Variants in CACNA2D1 observed in about 807,000 individuals in gnomAD.
The protein encoded by CACNA2D1 is calcium voltage-gated channel auxiliary subunit alpha2delta 1.
In CACNA2D1, 53 loss-of-function variants were observed where a neutral mutation model predicts 171.5. The observed-to-expected ratio is 0.31, with a 90% confidence interval of 0.25 to 0.39. The LOEUF is 0.39. CACNA2D1 is among the 10% of genes least tolerant of loss of function. CACNA2D1 has a pLI of 1.00. For missense variants in CACNA2D1, 903 were observed against 1,299.8 expected (o/e 0.69, Z 4.69); for synonymous variants, 442 against 443.1 (o/e 1.00, Z 0.03).
chr7:82,407,750 T>C (rs528169225), intron 1 of CACNA2D1, among the ~76,000 whole-genome samples: 1 of 152,270 alleles, frequency 6.6e-6, no homozygotes, highest in East Asian at 1.9e-4. Context: ...TGCAACTCTA[T>C]TCCTGGGGAC....
intron 3 of CACNA2D1, among the ~76,000 whole-genome samples, chr7:82,279,591 T>C (rs1420807989): frequency 1.3e-5 from 2 of 152,188 alleles, no homozygotes; most frequent in Non-Finnish European, 2.9e-5. Flanking sequence ...TGAAGATAAA[T>C]CTGTATAGGA....
At chr7:82,010,007 G>A (rs1228104287) in intron 15 of CACNA2D1, among the ~76,000 whole-genome samples, 1 of 151,770 alleles carries the variant, frequency 6.6e-6, no homozygotes, top group East Asian at 1.9e-4. Context: ...TATACTCAGT[G>A]CTTCCCCAAC....
In CACNA2D1 at chr7:82,111,113, A is replaced by T. The variant is rs182872594; in HGVS notation, c.526+5931T>A. On this transcript the variant is annotated intron_variant, in intron 6 of 38. Transcript: ENST00000356860. ...ACATTTAATATTTTTCATTCCTATG[A>T]TATATATTTTAACATACATATATAT... is the stretch of plus-strand genomic sequence containing the variant. Among the ~76,000 whole-genome samples, 121 of 151,738 alleles carry T rather than the reference A, an allele frequency of 8.0e-4. 2 individuals carry two copies. Among genetic ancestry groups the T allele is most frequent in the East Asian group, 1.9e-4 (1 of 5,164 alleles).
At chr7:82,037,289 G>C (rs1803397275) in intron 11 of CACNA2D1, among the ~76,000 whole-genome samples, 1 of 152,102 alleles carries the variant, frequency 6.6e-6, no homozygotes, top group South Asian at 2.1e-4. Flanking sequence ...CACCAGCTTG[G>C]CCAACATGGT....
rs1207440298 is a variant in CACNA2D1, at chr7:82,111,444, A to ATAT, written c.526+5599_526+5600insATA. On this transcript the variant is annotated intron_variant, in intron 6 of 38. Coordinates refer to ENST00000356860, the MANE Select transcript of CACNA2D1 (RefSeq NM_000722.4). ...TATATGTGTGTATATATATATATAT[A>ATAT]TTTTTTTTTTTTTTTTTTTTTGAGA... is the stretch of plus-strand genomic sequence containing the variant. 1.8e-3 allele frequency among the ~76,000 whole-genome samples: 127 copies of ATAT among 69,946 alleles called. 3 individuals are homozygous for ATAT. Among genetic ancestry groups the ATAT allele is most frequent in the African/African-American group, 2.1e-3 (31 of 14,744 alleles). The allele number at this position is 69,946 out of a possible 152,430, so 45.9% of individuals were successfully genotyped here.
chr7:81,959,573 A>C, intron 37 of CACNA2D1, 147 bp downstream of exon 37: 1 of 960,662 alleles, frequency 1.0e-6, no homozygotes, highest in Admixed American at 2.1e-5. Flanking sequence ...CATTCCAACC[A>C]AATTTTGAGT....
chr7:82,404,221 C>T (rs1481780941), intron 1 of CACNA2D1, among the ~76,000 whole-genome samples: 3 of 151,930 alleles, frequency 2.0e-5, no homozygotes, highest in Non-Finnish European at 4.4e-5. Context: ...GGGAAAGAGC[C>T]GATAAAGCCC....
intron 3 of CACNA2D1, among the ~76,000 whole-genome samples, chr7:82,295,433 C>A (rs987809204): frequency 6.6e-6 from 1 of 151,746 alleles, no homozygotes; most frequent in African/African-American, 2.4e-5. Flanking sequence ...ACCCCCCAGG[C>A]TCCAGCGATC....
chr7:82,392,590 G>A (rs1013113550), intron 1 of CACNA2D1, among the ~76,000 whole-genome samples: 1 of 152,194 alleles, frequency 6.6e-6, no homozygotes. Context: ...CCTGTGGCAG[G>A]CCTGGGGCCA....
intron 5 of CACNA2D1, among the ~76,000 whole-genome samples, chr7:82,129,855 T>G (rs969850516): frequency 6.6e-6 from 1 of 152,178 alleles, no homozygotes; most frequent in Non-Finnish European, 1.5e-5. Flanking sequence ...CTGTCATATT[T>G]GTAACTACAG....
intron 4 of CACNA2D1, among the ~76,000 whole-genome samples, chr7:82,144,716 A>G (rs1046117507): frequency 6.6e-6 from 1 of 152,094 alleles, no homozygotes; most frequent in African/African-American, 2.4e-5. Flanking sequence ...TATAAGTGGT[A>G]TATCAGTAAT....
chr7:82,340,342 T>G (rs1047459753), intron 2 of CACNA2D1, among the ~76,000 whole-genome samples: 2 of 118,344 alleles, frequency 1.7e-5, no homozygotes, highest in Admixed American at 9.9e-5. Flanking sequence ...TTGTTTTTTG[T>G]TTTTTTTTTT....
At chr7:82,362,723 A>G (rs1821210918) in intron 1 of CACNA2D1, among the ~76,000 whole-genome samples, 1 of 152,188 alleles carries the variant, frequency 6.6e-6, no homozygotes, top group African/African-American at 2.4e-5. Context: ...GACATCTTGT[A>G]AGCGAACCTT....
intron 38 of CACNA2D1, among the ~76,000 whole-genome samples, chr7:81,958,266 A>G (rs1793674657): frequency 6.6e-6 from 1 of 151,996 alleles, no homozygotes; most frequent in Non-Finnish European, 1.5e-5. Flanking sequence ...ATATTATCTA[A>G]TTGCATAATA....
intron 4 of CACNA2D1, among the ~76,000 whole-genome samples, 196 bp downstream of exon 4, chr7:82,170,354 A>T (rs1795886666): frequency 6.6e-6 from 1 of 151,740 alleles, no homozygotes; most frequent in African/African-American, 2.4e-5. Flanking sequence ...GTAATATGGA[A>T]CATAAAGTAC....
intron 3 of CACNA2D1, among the ~76,000 whole-genome samples, chr7:82,242,688 T>C (rs187752624): frequency 8.5e-5 from 13 of 152,298 alleles, no homozygotes; most frequent in Non-Finnish European, 5.9e-5. Context: ...GAAATATTCA[T>C]TATATGATAT....
intron 3 of CACNA2D1, among the ~76,000 whole-genome samples, chr7:82,208,915 T>C (rs1800281380): frequency 6.6e-6 from 1 of 152,206 alleles, no homozygotes; most frequent in African/African-American, 2.4e-5. Flanking sequence ...TGTTTACATA[T>C]TTCTAAATAA....
Position 81,948,054 on chromosome 7 carries a change from C to T in CACNA2D1, c.*2338G>A, listed in dbSNP as rs1177847218. The T allele has an allele frequency of 1.3e-5, 2 of 151,676 alleles. No homozygotes were observed. Among genetic ancestry groups the T allele is most frequent in the Non-Finnish European group, 3.0e-5 (2 of 67,790 alleles). 9.4% of individuals were successfully genotyped at this position (151,676 alleles called of 1,614,324 possible). On this transcript the variant is annotated 3_prime_UTR_variant, in exon 39 of 39. Coordinates refer to ENST00000356860, the MANE Select transcript of CACNA2D1 (RefSeq NM_000722.4). ...AATGTAATTGATGAAAACATATACTCGACATTAGCCATGAAAATATATTTA... is the reference window on the plus strand; with the variant it reads ...AATGTAATTGATGAAAACATATACTTGACATTAGCCATGAAAATATATTTA...
Position 81,949,640 on chromosome 7 carries a change from CATTT to C in CACNA2D1, c.*748_*751del, listed in dbSNP as rs1354069700. Reference sequence around the variant, plus strand: ...GAACAAAAGGAACATTACATCAAAGCATTTATTAAGGGCTTGCTTACATTTATGA... The same window carrying C: ...GAACAAAAGGAACATTACATCAAAGCATTAAGGGCTTGCTTACATTTATGA... On this transcript the variant is annotated 3_prime_UTR_variant, in exon 39 of 39. Transcript: ENST00000356860. 1.3e-5 allele frequency: 2 copies of C among 152,118 alleles called. No individual in the cohort carries two copies. The highest frequency in any genetic ancestry group is 4.8e-5 in the African/African-American group (2 of 41,426). The allele number at this position is 152,118 out of a possible 1,614,324, so 9.4% of individuals were successfully genotyped here.
Sources: allele counts gnomAD v4.1 joint callset (sites outside exome capture counted in the v4.1 genomes callset), GRCh38; gene constraint gnomAD v4.1.1; transcripts MANE v1.5; gene names NCBI Gene and HGNC (gene_info 2026-07-23, HGNC 2026-07-21).